The following PGBD2 variants were observed in gnomAD, a reference collection of about 807,000 sequenced individuals.
PGBD2 encodes the protein piggyBac transposable element derived 2.
PGBD2 carries 6 observed loss-of-function variants against 8.1 expected under a neutral mutation model. That is an observed-to-expected ratio of 0.74 (90% CI 0.40 to 1.46). PGBD2 has a LOEUF of 1.46. PGBD2 is among the 40% of genes most tolerant of loss of function. The probability of loss-of-function intolerance (pLI) is 0.02; values close to 1 mark genes in which losing one functional copy is unlikely to be tolerated. For missense variants in PGBD2, 802 were observed against 739.0 expected, an observed-to-expected ratio of 1.09 and a Z score of -0.99; for synonymous variants, 318 against 272.2, an observed-to-expected ratio of 1.17 and a Z score of -1.66.
In PGBD2 at chr1:248,916,617, G is replaced by A. The variant is rs151216713; in HGVS notation, c.33G>A (p.Gly11=). ...GTCATAACAGAGATGTCATTGCTGG[G>A]AGAGGTATCCACTCAAAGGTGAAGT... MASTSRDVIA[G]RGIHSKVKSA... is the part of the protein sequence containing the mutation. Residue 11 remains glycine, a synonymous_variant, in exon 3 of 3, where the codon GGG becomes GGA. Coordinates refer to ENST00000329291, the MANE Select transcript of PGBD2 (RefSeq NM_170725.3). The A allele has an allele frequency of 6.2e-7, 1 of 1,613,958 alleles. No homozygotes were observed. Among genetic ancestry groups the A allele is most frequent in the African/African-American group, 1.3e-5 (1 of 74,926 alleles).
downstream of PGBD2, chr1:248,919,956 A>G (rs1662250483): frequency 6.6e-6 from 1 of 152,306 alleles, no homozygotes. Flanking sequence ...GGCTCACTGC[A>G]TCCTCTGTCT....
rs759714154 is a variant in PGBD2, at chr1:248,917,728, T to C, written c.1144T>C (p.Cys382Arg). ...GTVREYRTERCPLKDPKELKK... is the reference protein window; with the variant it reads ...GTVREYRTERRPLKDPKELKK... ...TGTTCGTGAGTACAGGACTGAGCGA[T>C]GTCCCCTAAAAGACCCCAAAGAACT... Residue 382 changes from cysteine to arginine, a missense_variant, in exon 3 of 3, where the codon TGT becomes CGT. Physicochemically the swap from Cys to Arg is radical, Grantham distance 180. Coordinates refer to ENST00000329291, the MANE Select transcript of PGBD2 (RefSeq NM_170725.3). 1.9e-6 allele frequency: 3 copies of C among 1,614,092 alleles called. No homozygotes were observed. Among genetic ancestry groups the C allele is most frequent in the African/African-American group, 1.3e-5 (1 of 74,924 alleles).
chr1:248,889,072 C>T, the PGBD2 span, among the ~76,000 whole-genome samples: 8 of 151,968 alleles, frequency 5.3e-5, no homozygotes, highest in Non-Finnish European at 7.4e-5. Flanking sequence ...GCAACAATAA[C>T]AAGAATGATA....
chr1:248,888,811 C>A, the PGBD2 span, among the ~76,000 whole-genome samples: 1 of 152,092 alleles, frequency 6.6e-6, no homozygotes, highest in Non-Finnish European at 1.5e-5. Context: ...AAATTATTTG[C>A]CAAGGCGAAT....
the PGBD2 span, among the ~76,000 whole-genome samples, chr1:248,928,446 G>A: frequency 1.6e-4 from 24 of 152,280 alleles, no homozygotes; most frequent in African/African-American, 5.8e-4. Context: ...GGGAACACAG[G>A]TAGCTCTAAT....
chr1:248,913,543 G>A (rs1023735426), intron 1 of PGBD2, among the ~76,000 whole-genome samples: 3 of 152,106 alleles, frequency 2.0e-5, no homozygotes, highest in Non-Finnish European at 4.4e-5. Context: ...CAGGGATGCC[G>A]CTAAACATCC....
chr1:248,887,681 A>G, the PGBD2 span, among the ~76,000 whole-genome samples: 1 of 152,166 alleles, frequency 6.6e-6, no homozygotes, highest in Admixed American at 6.5e-5. Context: ...AAAAAATTTA[A>G]TTTTAATTTT....
At chr1:248,929,268 G>C in the PGBD2 span, among the ~76,000 whole-genome samples, 2 of 151,970 alleles carry the variant, frequency 1.3e-5, no homozygotes, top group Non-Finnish European at 2.9e-5. Flanking sequence ...GTAGGGAATC[G>C]TTCTGCCATC....
chr1:248,916,473 C>G (rs1056264548), intron 2 of PGBD2, 129 bp from the exon 3 acceptor site: 6 of 705,252 alleles, frequency 8.5e-6, no homozygotes, highest in Non-Finnish European at 1.4e-5. Context: ...AAATGCGGTG[C>G]CTTGTGATGC....
Position 248,906,772 on chromosome 1 carries a change from G to A in PGBD2, c.-48+430G>A, listed in dbSNP as rs185327611. Reference sequence around the variant, plus strand: ...GGCTCTGTGCCGGGGCGCGCTGGGGGCGGGTCGTTTTTAACTGCGTCTGCC... The same window carrying A: ...GGCTCTGTGCCGGGGCGCGCTGGGGACGGGTCGTTTTTAACTGCGTCTGCC... On this transcript the variant is annotated intron_variant, in intron 1 of 2. Coordinates refer to ENST00000329291, the MANE Select transcript of PGBD2 (RefSeq NM_170725.3). 1.9e-3 allele frequency among the ~76,000 whole-genome samples: 293 copies of A among 152,156 alleles called. 4 individuals carry two copies. The highest frequency in any genetic ancestry group is 6.3e-3 in the African/African-American group (260 of 41,512).
chr1:248,928,248 C>G, the PGBD2 span, among the ~76,000 whole-genome samples: 1 of 152,084 alleles, frequency 6.6e-6, no homozygotes, highest in Non-Finnish European at 1.5e-5. Flanking sequence ...GACAAAGGAG[C>G]CCTTGTTACT....
the PGBD2 span, among the ~76,000 whole-genome samples, chr1:248,897,110 G>T: frequency 5.3e-5 from 8 of 152,072 alleles, no homozygotes; most frequent in Non-Finnish European, 1.0e-4. Flanking sequence ...TCACAATTTA[G>T]CCTAAATATT....
At chr1:248,906,206 G>C (rs1024970756), upstream of PGBD2, 1 of 151,974 alleles carries the variant, frequency 6.6e-6, no homozygotes, top group East Asian at 2.0e-4. Flanking sequence ...ATGGAAGGCC[G>C]GCCGAGGTGC....
the PGBD2 span, among the ~76,000 whole-genome samples, chr1:248,891,042 AC>A: frequency 6.6e-6 from 1 of 152,152 alleles, no homozygotes; most frequent in Non-Finnish European, 1.5e-5. Flanking sequence ...GCATGCACAT[AC>A]CACTCACAAA....
chr1:248,889,505 A>G, the PGBD2 span, among the ~76,000 whole-genome samples: 1 of 152,198 alleles, frequency 6.6e-6, no homozygotes, highest in Non-Finnish European at 1.5e-5. Context: ...ATAGGTACTG[A>G]GAGAGCAGGA....
At chr1:248,895,647 T>C in the PGBD2 span, among the ~76,000 whole-genome samples, 1 of 152,082 alleles carries the variant, frequency 6.6e-6, no homozygotes, top group Non-Finnish European at 1.5e-5. Context: ...ACTAAGATTT[T>C]GGTACCTGAG....
chr1:248,874,254 G>C, the PGBD2 span, among the ~76,000 whole-genome samples: 10 of 152,148 alleles, frequency 6.6e-5, no homozygotes, highest in African/African-American at 1.2e-4. Context: ...GTCTTCCCTG[G>C]TGGTCTAGTG....
upstream of PGBD2, among the ~76,000 whole-genome samples, chr1:248,901,339 C>T (rs1208185742): frequency 1.1e-4 from 16 of 152,108 alleles, no homozygotes; most frequent in Non-Finnish European, 2.9e-5. Context: ...CGACTTCAAA[C>T]TATATAAGAA....
intron 1 of PGBD2, among the ~76,000 whole-genome samples, chr1:248,910,712 C>A (rs571628761): frequency 6.6e-6 from 1 of 152,206 alleles, no homozygotes; most frequent in African/African-American, 2.4e-5. Context: ...TGGAGCCCCA[C>A]AGACATCACA....
Sources: allele counts gnomAD v4.1 joint callset (sites outside exome capture counted in the v4.1 genomes callset), GRCh38; gene constraint gnomAD v4.1.1; transcripts MANE v1.5; gene names NCBI Gene and HGNC (gene_info 2026-07-23, HGNC 2026-07-21).